Variants in PA2G4 observed in about 807,000 individuals in gnomAD.
PA2G4 encodes the protein proliferation-associated protein 2G4.
Under a neutral mutation model 53.3 loss-of-function variants are expected in PA2G4, and 8 were observed. The observed-to-expected ratio is 0.15, with a 90% CI of 0.09 to 0.27. The LOEUF is 0.27. PA2G4 is among the 10% of genes least tolerant of loss of function. PA2G4 has a pLI of 1.00. For synonymous variants in PA2G4, 143 were observed against 169.8 expected, an observed-to-expected ratio of 0.84 and a Z score of 1.23; for missense variants, 208 against 486.8, an observed-to-expected ratio of 0.43 and a Z score of 5.39.
chr12:56,113,603 T>A lies in PA2G4; in HGVS notation c.*715T>A. On this transcript the variant is annotated 3_prime_UTR_variant, in exon 13 of 13. Coordinates refer to ENST00000303305, the MANE Select transcript of PA2G4 (RefSeq NM_006191.3). ...TCTCTGGAGTCAGTGGGGTCTTTCC[T>A]CGCTCCATCTTACACAGACCTGAGC... The A allele has an allele frequency of 2.1e-6, 1 of 480,722 alleles. No homozygotes were observed. The highest frequency in any genetic ancestry group is 4.0e-5 in the South Asian group (1 of 24,992). 29.8% of individuals were successfully genotyped at this position (480,722 alleles called of 1,614,324 possible).
At chr12:56,110,873 C>A in intron 9 of PA2G4, 91 bp from the exon 10 acceptor site, 1 of 1,376,640 alleles carries the variant, frequency 7.3e-7, no homozygotes. Flanking sequence ...ATGATTTCTG[C>A]CTGAGGGTAG....
At chr12:56,112,484 G>A (rs925346950) in intron 12 of PA2G4, among the ~76,000 whole-genome samples, 9 of 152,208 alleles carry the variant, frequency 5.9e-5, no homozygotes, top group African/African-American at 2.2e-4. Flanking sequence ...ATGGCTGGGT[G>A]TGGTGGTTCA....
chr12:56,107,517 A>G lies in PA2G4; in HGVS notation c.394-4A>G. On this transcript the variant is annotated splice_polypyrimidine_tract_variant and splice_region_variant and intron_variant, in intron 4 of 12. Transcript: ENST00000303305. ...AGATACTGATTGCATGTCCTTATCT[A>G]CAGGGGACCCAAGTAACAGGGAGGA... The G allele has an allele frequency of 6.2e-7, 1 of 1,608,306 alleles. No homozygotes were observed. The highest frequency in any genetic ancestry group is 8.5e-7 in the Non-Finnish European group (1 of 1,174,666).
chr12:56,107,147 A>AG (rs1412498690), intron 3 of PA2G4, 40 bp from the exon 4 acceptor site: 1 of 1,605,586 alleles, frequency 6.2e-7, no homozygotes, highest in Non-Finnish European at 8.5e-7. Context: ...CATTTACAAA[A>AG]TGCCAGTTCC....
chr12:56,107,865 C>CA (rs574625425), intron 5 of PA2G4, among the ~76,000 whole-genome samples: 254 of 151,754 alleles, frequency 1.7e-3, no homozygotes, highest in African/African-American at 6.0e-3. Context: ...CCCATTTCTA[C>CA]AAAAAATACA....
Position 56,104,595 on chromosome 12 carries a change from T to C in PA2G4, c.-143T>C, listed in dbSNP as rs749600485. The C allele has an allele frequency of 2.3e-6, 2 of 853,532 alleles. No homozygotes were observed. The highest frequency in any genetic ancestry group is 2.0e-6 in the Non-Finnish European group (1 of 489,918). The allele number at this position is 853,532 out of a possible 1,614,324, so 52.9% of individuals were successfully genotyped here. ...TCGCAGCTTCTCGCTCTCGCCTGCC[T>C]GCCCGCTCCCTTGCTTGCTCGCGCT... is the stretch of plus-strand genomic sequence containing the variant. On this transcript the variant is annotated 5_prime_UTR_variant, in exon 1 of 13. Transcript: ENST00000303305.
chr12:56,113,715 G>T lies in PA2G4; in HGVS notation c.*827G>T. On this transcript the variant is annotated 3_prime_UTR_variant, in exon 13 of 13. Transcript: ENST00000303305. ...AAACCAAGAACCAGAGGCGTAGACTGACTGAAGACACAACTCCTGGCTTTC... is the reference window on the plus strand; with the variant it reads ...AAACCAAGAACCAGAGGCGTAGACTTACTGAAGACACAACTCCTGGCTTTC... 3.1e-6 allele frequency: 2 copies of T among 642,988 alleles called. No individual in the cohort carries two copies. The highest frequency in any genetic ancestry group is 1.8e-5 in the South Asian group (1 of 56,542). 39.8% of individuals were successfully genotyped at this position (642,988 alleles called of 1,614,324 possible).
In PA2G4 at chr12:56,104,631, C is replaced by A; in HGVS notation, c.-107C>A. The A allele has an allele frequency of 1.8e-6, 2 of 1,087,302 alleles. No individual in the cohort carries two copies. The highest frequency in any genetic ancestry group is 2.4e-5 in the East Asian group (1 of 42,468). 67.4% of individuals were successfully genotyped at this position (1,087,302 alleles called of 1,614,324 possible). On this transcript the variant is annotated 5_prime_UTR_variant, in exon 1 of 13. Transcript: ENST00000303305. ...TTGCTTGCTCGCGCTTTCGCTCGCC[C>A]TCTCCTCGAGGATCGAGGGGACTCT... is the stretch of plus-strand genomic sequence containing the variant.
intron 1 of PA2G4, 46 bp from the exon 2 acceptor site, chr12:56,106,542 G>T: frequency 6.8e-7 from 1 of 1,475,426 alleles, no homozygotes; most frequent in South Asian, 1.4e-5. Context: ...GTGGTAACTA[G>T]ACAATGAATA....
chr12:56,109,629 C>CA (rs34060703), intron 6 of PA2G4, among the ~76,000 whole-genome samples: 1,751 of 84,722 alleles, frequency 0.021, 31 homozygotes, highest in African/African-American at 0.049. Context: ...TCCTCCATCT[C>CA]AAAAAAAAAA....
chr12:56,107,562 A>G lies in PA2G4; in HGVS notation c.435A>G (p.Ala145=), dbSNP rs1454909903. 2 of 1,613,918 alleles carry G rather than the reference A, an allele frequency of 1.2e-6. No individual in the cohort carries two copies. Among genetic ancestry groups the G allele is most frequent in the East Asian group, 4.5e-5 (2 of 44,894 alleles). Residue 145 remains alanine (A), a synonymous_variant, in exon 5 of 13, where the codon GCA becomes GCG. Transcript: ENST00000303305. ...GGAGGAAAGCAGATGTTATTAAGGC[A>G]GCTCACCTTTGTGCTGAAGCTGCCC... is the stretch of plus-strand genomic sequence containing the variant. ...VTGRKADVIK[A]AHLCAEAALR...
In PA2G4 at chr12:56,104,648, G is replaced by C; in HGVS notation, c.-90G>C. 2.5e-6 allele frequency: 3 copies of C among 1,203,932 alleles called. No homozygotes were observed. Among genetic ancestry groups the C allele is most frequent in the Non-Finnish European group, 3.7e-6 (3 of 805,566 alleles). The allele number at this position is 1,203,932 out of a possible 1,614,324, so 74.6% of individuals were successfully genotyped here. A position where few individuals can be genotyped will look rare whatever the true frequency, so the allele number is the denominator to read the frequency against. On this transcript the variant is annotated 5_prime_UTR_variant, in exon 1 of 13. Transcript: ENST00000303305. ...CGCTCGCCCTCTCCTCGAGGATCGA[G>C]GGGACTCTGACCACAGCCTGTGGCT...
At chr12:56,108,716 A>G (rs191915830) in intron 5 of PA2G4, among the ~76,000 whole-genome samples, 11 of 152,324 alleles carry the variant, frequency 7.2e-5, no homozygotes, top group South Asian at 6.2e-4. Context: ...TTGGAGATGT[A>G]ACCCCATTGC....
At chr12:56,106,544 C>A in intron 1 of PA2G4, 44 bp from the exon 2 acceptor site, 2 of 1,480,362 alleles carry the variant, frequency 1.4e-6, no homozygotes, top group Non-Finnish European at 1.8e-6. Flanking sequence ...GGTAACTAGA[C>A]AATGAATACA....
intron 2 of PA2G4, 133 bp downstream of exon 2, chr12:56,106,849 A>C (rs1869313100): frequency 7.7e-7 from 1 of 1,301,482 alleles, no homozygotes; most frequent in Admixed American, 2.2e-5. Flanking sequence ...TGGAATGGCA[A>C]GTGGGATACA....
In PA2G4 at chr12:56,113,490, T is replaced by A. The variant is rs929475908; in HGVS notation, c.*602T>A. 7 of 242,680 alleles carry A rather than the reference T, an allele frequency of 2.9e-5. No homozygotes were observed. Among genetic ancestry groups the A allele is most frequent in the Non-Finnish European group, 5.5e-5 (7 of 126,430 alleles). 15.0% of individuals were successfully genotyped at this position (242,680 alleles called of 1,614,324 possible). ...GCCTTCATTTATGAAGAGATTCTCA[T>A]CTATGAAATGGATCCTCATTTGTAA... is the stretch of plus-strand genomic sequence containing the variant. On this transcript the variant is annotated 3_prime_UTR_variant, in exon 13 of 13. Transcript: ENST00000303305.
chr12:56,110,916 A>T (rs757374677), intron 9 of PA2G4, 48 bp from the exon 10 acceptor site: 1 of 1,546,244 alleles, frequency 6.5e-7, no homozygotes, highest in Non-Finnish European at 8.9e-7. Flanking sequence ...AAATGGTAAG[A>T]CTTGATGGGG....
In PA2G4 at chr12:56,112,976, C is replaced by T. The variant is rs914876936; in HGVS notation, c.*88C>T. The T allele has an allele frequency of 2.4e-6, 2 of 847,320 alleles. No homozygotes were observed. Among genetic ancestry groups the T allele is most frequent in the Non-Finnish European group, 3.6e-6 (2 of 558,682 alleles). 52.5% of individuals were successfully genotyped at this position (847,320 alleles called of 1,614,324 possible). On this transcript the variant is annotated 3_prime_UTR_variant, in exon 13 of 13. Coordinates refer to ENST00000303305, the MANE Select transcript of PA2G4 (RefSeq NM_006191.3). Reference sequence around the variant, plus strand: ...TCTGTGAAGTGCAGTTCTTCTCCACCTAGGACCGCCAGCAGAGCGGGGGGA... The same window carrying T: ...TCTGTGAAGTGCAGTTCTTCTCCACTTAGGACCGCCAGCAGAGCGGGGGGA...
Position 56,111,162 on chromosome 12 carries a change from C to A in PA2G4, c.938-20C>A. The A allele has an allele frequency of 6.2e-7, 1 of 1,614,188 alleles. No homozygotes were observed. The highest frequency in any genetic ancestry group is 1.1e-5 in the South Asian group (1 of 91,088). On this transcript the variant is annotated intron_variant, in intron 10 of 12. Transcript: ENST00000303305. ...GACAAAGGAACTTTTTATCAAAACA[C>A]ATCTTCATTTTTGCCATAGGTGAAT...
Sources: gnomAD v4.1 joint callset for allele counts (sites outside exome capture counted in the v4.1 genomes callset) on GRCh38, gnomAD v4.1.1 for gene constraint, MANE v1.5 for transcripts, NCBI Gene and HGNC (gene_info 2026-07-23, HGNC 2026-07-21) for gene names.